RNF213: variants seen among roughly 807,000 people sequenced by gnomAD.
The protein encoded by RNF213 is ring finger protein 213, also known as E3 ubiquitin-protein ligase RNF213.
In RNF213, 341 loss-of-function variants were observed where a neutral mutation model predicts 514.4. The observed-to-expected ratio is 0.66, with a 90% CI of 0.61 to 0.73. The LOEUF (loss-of-function observed/expected upper bound fraction) is 0.73, where lower values mean the gene tolerates loss of function less well. Ranked by LOEUF, RNF213 falls within the 30% of genes least tolerant of loss-of-function variation. RNF213 has a pLI of 0.00. For synonymous variants in RNF213, 2,655 were observed against 2,658.2 expected (o/e 1.00, Z 0.04); for missense variants, 5,767 against 6,615.6 (o/e 0.87, Z 4.45).
chr17:80,294,234 A>G lies in RNF213; in HGVS notation c.1472-486A>G, dbSNP rs571547218. Among the ~76,000 whole-genome samples, 3 of 152,352 alleles carry G rather than the reference A, an allele frequency of 2.0e-5. No homozygotes were observed. The South Asian group carries it at 6.2e-4, about 32-fold the overall frequency. ...TGTGTCAGCCACCATGCCAAGGGCCATCTGTGCCAGCTGGGCAGCCTGCAC... is the reference window on the plus strand; with the variant it reads ...TGTGTCAGCCACCATGCCAAGGGCCGTCTGTGCCAGCTGGGCAGCCTGCAC... On this transcript the variant is annotated intron_variant, in intron 8 of 67. Transcript: ENST00000582970.
intron 13 of RNF213, 119 bp downstream of exon 13, chr17:80,307,320 A>T: frequency 2.7e-5 from 19 of 698,206 alleles, no homozygotes; most frequent in East Asian, 3.1e-5. Context: ...ATAAATTAAT[A>T]TGTGGCCCAC....
At chr17:80,344,543 A>T in intron 28 of RNF213, 135 bp from the exon 29 acceptor site, 1 of 972,494 alleles carries the variant, frequency 1.0e-6, no homozygotes, top group Non-Finnish European at 1.6e-6. Context: ...AAAAAAGACT[A>T]TACAGAAAGC....
chr17:80,306,499 G>A (rs896743292), intron 12 of RNF213, 31 bp downstream of exon 12: 1 of 1,599,218 alleles, frequency 6.3e-7, no homozygotes, highest in Non-Finnish European at 8.6e-7. Context: ...CTGGAGTCCT[G>A]GCTTAGCAAA....
At chr17:80,284,173 A>T (rs565290003) in intron 3 of RNF213, among the ~76,000 whole-genome samples, 149 of 152,042 alleles carry the variant, frequency 9.8e-4, no homozygotes, top group Non-Finnish European at 1.4e-3. Flanking sequence ...CCTGGCCAAC[A>T]TGGTGAAACC....
rs556894157 is a variant in RNF213, at chr17:80,317,011, G to A, written c.2812-177G>A. ...CTCTGATTCTAGAAAGCCAACCTGG[G>A]CTGCTGTGACCGGCCACTAGCATGG... is the stretch of plus-strand genomic sequence containing the variant. On this transcript the variant is annotated intron_variant, in intron 15 of 67. Transcript: ENST00000582970. This position sits in a 1 kb window ranked among gnomAD's most constrained non-coding sequence, Gnocchi z 4.1. 1.3e-5 allele frequency among the ~76,000 whole-genome samples: 2 copies of A among 152,234 alleles called. No individual in the cohort carries two copies. Among genetic ancestry groups the A allele is most frequent in the Admixed American group, 1.3e-4 (2 of 15,288 alleles).
intron 14 of RNF213, among the ~76,000 whole-genome samples, chr17:80,310,621 C>T (rs1389953399): frequency 2.0e-5 from 3 of 151,706 alleles, no homozygotes; most frequent in East Asian, 1.9e-4. Flanking sequence ...GGCGTGATCT[C>T]GGCTCACCAC....
Position 80,369,882 on chromosome 17 carries a change from G to A in RNF213, c.12425+15G>A. Reference sequence around the variant, plus strand: ...TTGAAGTACAGGTAAGAACAACATGGAGACTTGCTTCTGGAAAGCCCTGGC... The same window carrying A: ...TTGAAGTACAGGTAAGAACAACATGAAGACTTGCTTCTGGAAAGCCCTGGC... On this transcript the variant is annotated intron_variant, in intron 46 of 67. Coordinates refer to ENST00000582970, the MANE Select transcript of RNF213 (RefSeq NM_001256071.3). The A allele has an allele frequency of 9.7e-6, 15 of 1,548,512 alleles. No homozygotes were observed. The highest frequency in any genetic ancestry group is 1.2e-5 in the Non-Finnish European group (13 of 1,120,828).
rs1490157802 is a variant in RNF213, at chr17:80,358,451, A to G, written c.11026A>G (p.Asn3676Asp). The G allele has an allele frequency of 1.2e-6, 2 of 1,614,190 alleles. No individual in the cohort carries two copies. The highest frequency in any genetic ancestry group is 1.7e-6 in the Non-Finnish European group (2 of 1,179,990). ...MFIFSDTMLLNIPLVMNNERH... is the reference protein window; with the variant it reads ...MFIFSDTMLLDIPLVMNNERH... The stretch of plus-strand genomic sequence containing the variant: ...TATTTTCAGTGACACGATGCTTCTG[A>G]ACATTCCTCTTGTGATGAATAATGA... The change falls in exon 37 of 68, where the codon AAC becomes GAC. Residue 3676 changes from asparagine (N) to aspartate (D), a missense_variant. Physicochemically the swap from Asn to Asp is conservative, Grantham distance 23 (BLOSUM62 1). This residue lies in a region of RNF213 where 919 missense variants were observed against 1,121.0 expected (regional missense o/e 0.82). Transcript: ENST00000582970.
Position 80,309,190 on chromosome 17 carries a change from C to G in RNF213, c.2655+19C>G. 1 of 1,614,080 alleles carries G rather than the reference C, an allele frequency of 6.2e-7. No homozygotes were observed. The highest frequency in any genetic ancestry group is 1.1e-5 in the South Asian group (1 of 91,088). ...TCTGGTGGTAAGTGGAGTCAACACA[C>G]AAGGTATCACACCCGGGATAGGTGC... On this transcript the variant is annotated intron_variant, in intron 14 of 67. Transcript: ENST00000582970.
At chr17:80,328,608 T>C in intron 20 of RNF213, 131 bp downstream of exon 20, 1 of 814,238 alleles carries the variant, frequency 1.2e-6, no homozygotes. Flanking sequence ...TAATTTGCAT[T>C]TGCTGGGGGG....
chr17:80,290,262 C>A (rs998447286), intron 6 of RNF213, among the ~76,000 whole-genome samples: 2 of 152,224 alleles, frequency 1.3e-5, no homozygotes, highest in South Asian at 2.1e-4. Context: ...TGATAATGTG[C>A]ATTACGAACA....
intron 2 of RNF213, among the ~76,000 whole-genome samples, chr17:80,267,698 G>A (rs2043655073): frequency 6.6e-6 from 1 of 152,186 alleles, no homozygotes; most frequent in African/African-American, 2.4e-5. Flanking sequence ...TAGGAAAGCA[G>A]TCATCTCCAT....
chr17:80,353,587 C>G lies in RNF213; in HGVS notation c.10499C>G (p.Ala3500Gly). 1 of 1,613,416 alleles carries G rather than the reference C, an allele frequency of 6.2e-7. No homozygotes were observed. ...ETEASTSGEVAEVAEEAMETE... is the reference protein window; with the variant it reads ...ETEASTSGEVGEVAEEAMETE... ...GAGGCCAGCACATCAGGGGAGGTGGCAGAGGTGGCAGAGGAGGCCATGGAA... is the reference window on the plus strand; with the variant it reads ...GAGGCCAGCACATCAGGGGAGGTGGGAGAGGTGGCAGAGGAGGCCATGGAA... The change falls in exon 34 of 68, where the codon GCA becomes GGA. Residue 3500 changes from alanine to glycine, a missense_variant. Transcript: ENST00000582970. The surrounding 1 kb of genome is among the most constrained non-coding windows in gnomAD (Gnocchi z 5.0).
intron 2 of RNF213, among the ~76,000 whole-genome samples, chr17:80,272,334 T>C (rs79304820): frequency 0.019 from 2,889 of 152,262 alleles, 57 homozygotes; most frequent in East Asian, 0.11. Flanking sequence ...AAGAGGTTTA[T>C]TTAGCTCACA....
chr17:80,379,344 G>T, intron 54 of RNF213: 1 of 467,960 alleles, frequency 2.1e-6, no homozygotes. Context: ...AAGGAAGGTT[G>T]AATTTTATAT....
Position 80,367,768 on chromosome 17 carries a change from C to G in RNF213, c.11892C>G (p.Asp3964Glu). The stretch of plus-strand genomic sequence containing the variant: ...TTCAGTGTCTTCGAGAGAACTCTGA[C>G]GTGAAGACGCACGGGCCTTTTGAGG... ...LLDKCLRENS[D>E]VKTHGPFEAV... The change falls in exon 43 of 68, where the codon GAC becomes GAG. Residue 3964 changes from aspartate to glutamate, a missense_variant. Around this residue, in one of 13 missense-constraint regions of RNF213, gnomAD observed 355 missense variants for 358.0 expected, o/e 0.99. Transcript: ENST00000582970. 6.2e-7 allele frequency: 1 copy of G among 1,614,158 alleles called. No homozygotes were observed. Among genetic ancestry groups the G allele is most frequent in the Non-Finnish European group, 8.5e-7 (1 of 1,179,980 alleles).
In RNF213 at chr17:80,346,861, G is replaced by T; in HGVS notation, c.8526G>T (p.Val2842=). The change falls in exon 29 of 68, where the codon GTG becomes GTT. Residue 2842 remains valine (V), a synonymous_variant. Transcript: ENST00000582970. This position sits in a 1 kb window ranked among gnomAD's most constrained non-coding sequence, Gnocchi z 8.1. ...TGCAGCAGTACGTCTCTGTGGTGGT[G>T]TTAGATGAGGTGGGGCTGGCGGAAG... ...KDLQQYVSVV[V]LDEVGLAEDS... is the part of the protein sequence containing the mutation. The T allele has an allele frequency of 6.2e-7, 1 of 1,614,116 alleles. No homozygotes were observed. The highest frequency in any genetic ancestry group is 1.1e-5 in the South Asian group (1 of 91,076).
intron 18 of RNF213, among the ~76,000 whole-genome samples, chr17:80,326,544 A>G (rs2046286865): frequency 6.6e-6 from 1 of 152,144 alleles, no homozygotes; most frequent in South Asian, 2.1e-4. Context: ...GCCTGTGTCC[A>G]CCATTCCAGT....
Position 80,381,555 on chromosome 17 carries a change from A to G in RNF213, c.13806A>G (p.Ile4602Met), listed in dbSNP as rs1392513383. 5 of 1,614,194 alleles carry G rather than the reference A, an allele frequency of 3.1e-6. No individual in the cohort carries two copies. The highest frequency in any genetic ancestry group is 4.2e-6 in the Non-Finnish European group (5 of 1,180,020). ...TTCCGTTGCCCCCACAGGCTCTGAT[A>G]AACATCATTAAGCCTCCAGTGAGGG... ...LGASQSSQAL[I>M]NIIKPPVRDP... Residue 4602 changes from isoleucine (I) to methionine (M), a missense_variant, in exon 57 of 68, where the codon ATA (isoleucine) becomes ATG (methionine). Physicochemically the swap from Ile to Met is conservative, Grantham distance 10. Coordinates refer to ENST00000582970, the MANE Select transcript of RNF213 (RefSeq NM_001256071.3).
Sources: allele counts gnomAD v4.1 joint callset (sites outside exome capture counted in the v4.1 genomes callset), GRCh38; gene constraint gnomAD v4.1.1; regional missense constraint gnomAD v4.1.1; non-coding constraint Gnocchi (gnomAD v3.1); transcripts MANE v1.5; gene names NCBI Gene and HGNC (gene_info 2026-07-23, HGNC 2026-07-21).